Variants in CORIN observed in about 807,000 individuals in gnomAD.
The protein encoded by CORIN is atrial natriuretic peptide-converting enzyme.
CORIN carries 117 observed loss-of-function variants against 125.3 expected under a neutral mutation model. That is an observed-to-expected ratio of 0.93 (90% CI 0.80 to 1.09). The LOEUF (loss-of-function observed/expected upper bound fraction) is 1.09, where lower values mean the gene tolerates loss of function less well. Ranked by LOEUF, CORIN falls within the 50% of genes least tolerant of loss-of-function variation. The probability of loss-of-function intolerance (pLI) is 0.00; values close to 1 mark genes in which losing one functional copy is unlikely to be tolerated. For synonymous variants in CORIN, 450 were observed against 466.4 expected (o/e 0.96, Z 0.45); for missense variants, 1,253 against 1,306.7 (o/e 0.96, Z 0.63).
intron 6 of CORIN, among the ~76,000 whole-genome samples, chr4:47,684,456 T>C (rs962424454): frequency 3.3e-5 from 5 of 152,202 alleles, no homozygotes; most frequent in Admixed American, 1.3e-4. Context: ...TTCCTGATTT[T>C]AATAGGAAAA....
chr4:47,614,664 G>A (rs1399658126), intron 19 of CORIN, among the ~76,000 whole-genome samples: 1 of 152,200 alleles, frequency 6.6e-6, no homozygotes, highest in Non-Finnish European at 1.5e-5. Flanking sequence ...CTCTGTAGAA[G>A]AGTTAACATT....
intron 5 of CORIN, among the ~76,000 whole-genome samples, chr4:47,702,794 G>T (rs116081005): frequency 3.3e-5 from 5 of 152,006 alleles, no homozygotes; most frequent in Non-Finnish European, 7.4e-5. Context: ...AACAGATTAC[G>T]GTTCTACCCT....
intron 13 of CORIN, chr4:47,652,723 A>G (rs2109641387): frequency 6.6e-6 from 1 of 152,336 alleles, no homozygotes; most frequent in South Asian, 2.1e-4. Context: ...GAAGAGTTTT[A>G]TCCTTTGCCG....
intron 10 of CORIN, among the ~76,000 whole-genome samples, chr4:47,669,043 A>G (rs1224102814): frequency 1.3e-5 from 2 of 152,220 alleles, no homozygotes; most frequent in African/African-American, 4.8e-5. Flanking sequence ...AGATCGCATC[A>G]CAAACGTGAG....
chr4:47,837,405 T>C, intron 1 of CORIN: 2 of 242,684 alleles, frequency 8.2e-6, no homozygotes, highest in Non-Finnish European at 8.1e-6. Flanking sequence ...GCACAGTCCC[T>C]CCAGCCACCC....
intron 16 of CORIN, among the ~76,000 whole-genome samples, chr4:47,633,353 A>G (rs1722913508): frequency 6.6e-6 from 1 of 152,218 alleles, no homozygotes; most frequent in African/African-American, 2.4e-5. Context: ...TTAAATATAC[A>G]TTATCATTCT....
At chr4:47,713,703 C>G (rs1726960978) in intron 5 of CORIN, among the ~76,000 whole-genome samples, 1 of 152,246 alleles carries the variant, frequency 6.6e-6, no homozygotes, top group African/African-American at 2.4e-5. Flanking sequence ...CATATCCCTG[C>G]ACCAGTAACT....
chr4:47,813,259 A>G (rs1327341532), intron 1 of CORIN, among the ~76,000 whole-genome samples: 1 of 152,244 alleles, frequency 6.6e-6, no homozygotes, highest in African/African-American at 2.4e-5. Context: ...AACTAAAAAT[A>G]TCCAGCAAAG....
intron 1 of CORIN, among the ~76,000 whole-genome samples, chr4:47,817,818 A>G (rs1160456205): frequency 6.6e-6 from 1 of 152,186 alleles, no homozygotes; most frequent in East Asian, 1.9e-4. Context: ...GCCACCCTCT[A>G]TCACATGATC....
At chr4:47,622,736 C>A (rs1186614857) in intron 19 of CORIN, among the ~76,000 whole-genome samples, 1 of 152,170 alleles carries the variant, frequency 6.6e-6, no homozygotes, top group Non-Finnish European at 1.5e-5. Flanking sequence ...AGAAGGAATT[C>A]TGCCAGCAGA....
rs573842585 is a variant in CORIN at position 47,747,074 on chromosome 4, T to C, written c.618-2491A>G. On this transcript the variant is annotated intron_variant, in intron 4 of 21. Transcript: ENST00000273857. ...TGTTCCTCCTTTGCCTTCTAGTTCT[T>C]GACCAAGGTCCCAGGGTCCCAATGC... Among the ~76,000 whole-genome samples the C allele has an allele frequency of 3.9e-5, 6 of 152,282 alleles. No homozygotes were observed. The East Asian group carries it at 9.7e-4, about 24-fold the overall frequency.
chr4:47,633,480 A>C (rs1020391765), intron 16 of CORIN, among the ~76,000 whole-genome samples: 1 of 152,218 alleles, frequency 6.6e-6, no homozygotes, highest in African/African-American at 2.4e-5. Context: ...ATTTGAACAT[A>C]TATAAAATTC....
intron 2 of CORIN, among the ~76,000 whole-genome samples, chr4:47,789,921 C>CTGAG (rs1410313698): frequency 6.6e-6 from 1 of 152,224 alleles, no homozygotes; most frequent in East Asian, 1.9e-4. Flanking sequence ...ACTCGGGAGG[C>CTGAG]TGAGGCAGGA....
intron 1 of CORIN, among the ~76,000 whole-genome samples, chr4:47,808,039 T>C (rs75426057): frequency 0.019 from 2,944 of 152,294 alleles, 103 homozygotes; most frequent in African/African-American, 0.066. Flanking sequence ...ACACTACATA[T>C]TTCCAATGCC....
chr4:47,720,676 A>G (rs941048799), intron 5 of CORIN, among the ~76,000 whole-genome samples: 2 of 152,204 alleles, frequency 1.3e-5, no homozygotes, highest in African/African-American at 2.4e-5. Flanking sequence ...GCTGAATGCT[A>G]TAGGTCTACC....
At chr4:47,731,881 G>GA (rs1009665936) in intron 5 of CORIN, among the ~76,000 whole-genome samples, 79 of 150,314 alleles carry the variant, frequency 5.3e-4, no homozygotes, top group African/African-American at 1.8e-3. Flanking sequence ...AAAAAAAAAA[G>GA]AAAAAAAATT....
chr4:47,746,485 G>A lies in CORIN; in HGVS notation c.618-1902C>T, dbSNP rs541065343. 1.6e-4 allele frequency among the ~76,000 whole-genome samples: 24 copies of A among 152,186 alleles called. 1 individual carries two copies. Among genetic ancestry groups the A allele is most frequent in the South Asian group, 1.2e-3 (6 of 4,832 alleles). On this transcript the variant is annotated intron_variant, in intron 4 of 21. Coordinates refer to ENST00000273857, the MANE Select transcript of CORIN (RefSeq NM_006587.4). ...CCCAGGACCTATTCTATTTACTACT[G>A]TACTACGAGTAAGTCCTAATTTCAT...
rs35452886 is a variant in CORIN at position 47,628,437 on chromosome 4, C to CGTGTGTGT, written c.2199-1924_2199-1917dup. Among the ~76,000 whole-genome samples, 67 of 147,476 alleles carry CGTGTGTGT rather than the reference C, an allele frequency of 4.5e-4. No individual in the cohort carries two copies. The Middle Eastern group carries it at 0.01, about 23-fold the overall frequency. On this transcript the variant is annotated intron_variant, in intron 16 of 21. Coordinates refer to ENST00000273857, the MANE Select transcript of CORIN (RefSeq NM_006587.4). ...AAGCATATCTATCACCACATAGTTA[C>CGTGTGTGT]GTGTGTGTGTGTGTGTGTGTGTGTG...
chr4:47,601,320 C>CTT (rs34035998), intron 20 of CORIN, among the ~76,000 whole-genome samples: 37 of 145,740 alleles, frequency 2.5e-4, no homozygotes, highest in East Asian at 1.6e-3. Flanking sequence ...TTCAGCAGAT[C>CTT]TTTTTTTTTT....
Sources: gnomAD v4.1 joint callset for allele counts (sites outside exome capture counted in the v4.1 genomes callset) on GRCh38, gnomAD v4.1.1 for gene constraint, MANE v1.5 for transcripts, NCBI Gene and HGNC (gene_info 2026-07-23, HGNC 2026-07-21) for gene names.